The following HEATR4 variants were observed in gnomAD, a reference collection of about 807,000 sequenced individuals.
HEATR4 encodes HEAT repeat-containing protein 4.
Under a neutral mutation model 108.8 loss-of-function variants are expected in HEATR4, and 95 were observed. The observed-to-expected ratio is 0.87, with a 90% CI of 0.74 to 1.04. The LOEUF (loss-of-function observed/expected upper bound fraction) is 1.04, where lower values mean the gene tolerates loss of function less well. HEATR4 is among the 50% of genes least tolerant of loss of function. The probability of loss-of-function intolerance (pLI) is 0.00; values close to 1 mark genes in which losing one functional copy is unlikely to be tolerated. For missense variants in HEATR4, 1,152 were observed against 1,253.8 expected, an observed-to-expected ratio of 0.92 and a Z score of 1.23; for synonymous variants, 443 against 459.4, an observed-to-expected ratio of 0.96 and a Z score of 0.46.
chr14:73,509,947 CACTGCAA>C (rs1449492158), intron 7 of HEATR4, among the ~76,000 whole-genome samples: 27 of 148,102 alleles, frequency 1.8e-4, no homozygotes, highest in Admixed American at 5.5e-4. Flanking sequence ...GATCTCAGCT[CACTGCAA>C]GCTCCGCCTC....
Position 73,508,169 on chromosome 14 carries a change from A to T in HEATR4, c.1846T>A (p.Ser616Thr), listed in dbSNP as rs374677684. ...CTCAGATAGCTCAGGAGGATATAAG[A>T]CTGTTCCTCAGTGTCCTCATTCTTC... The part of the protein sequence containing the change: ...TKKNEDTEEQ[S>T]YILLSYLSEK... Residue 616 changes from serine (S) to threonine (T), a missense_variant, in exon 9 of 18, where the codon TCT becomes ACT. Physicochemically the swap from Ser to Thr is moderately conservative, Grantham distance 58 (BLOSUM62 1). Coordinates refer to ENST00000553558, the MANE Select transcript of HEATR4 (RefSeq NM_001220484.1). The T allele has an allele frequency of 3.7e-6, 6 of 1,613,974 alleles. No homozygotes were observed. The African/African-American group carries it at 5.3e-5, about 14-fold the overall frequency.
chr14:73,502,234 A>G (rs968648571), intron 11 of HEATR4, among the ~76,000 whole-genome samples: 2 of 150,524 alleles, frequency 1.3e-5, no homozygotes, highest in African/African-American at 4.9e-5. Context: ...ACTTGGCCTT[A>G]CTCCTCTAGC....
chr14:73,562,214 G>GA (rs1889539962), upstream of HEATR4, among the ~76,000 whole-genome samples: 1 of 152,050 alleles, frequency 6.6e-6, no homozygotes, highest in African/African-American at 2.4e-5. Context: ...ACCCCGAATG[G>GA]AGGGACCGGC....
At chr14:73,517,858 G>A (rs55681543) in intron 5 of HEATR4, among the ~76,000 whole-genome samples, 21,317 of 151,956 alleles carry the variant, frequency 0.14, 1,813 homozygotes, top group East Asian at 0.4. Flanking sequence ...GGAGGCCGAG[G>A]TGGACAGATC....
chr14:73,491,366 A>T (rs1409186318), intron 17 of HEATR4: 1 of 1,369,624 alleles, frequency 7.3e-7, no homozygotes, highest in African/African-American at 1.5e-5. Context: ...CTCCCTGCAG[A>T]CCCCGTCGGC....
At chr14:73,622,795 C>T in the HEATR4 span, among the ~76,000 whole-genome samples, 1 of 152,102 alleles carries the variant, frequency 6.6e-6, no homozygotes, top group Middle Eastern at 3.2e-3. Flanking sequence ...GAAAAGTTAT[C>T]CATAAAGTTA....
chr14:73,581,223 A>G, the HEATR4 span: 1 of 151,790 alleles, frequency 6.6e-6, no homozygotes, highest in African/African-American at 2.4e-5. Context: ...TTTATAAACA[A>G]CAGAAATGTA....
intron 12 of HEATR4, 121 bp downstream of exon 12, chr14:73,500,429 C>T (rs1886377111): frequency 9.1e-7 from 1 of 1,101,504 alleles, no homozygotes; most frequent in Non-Finnish European, 1.3e-6. Context: ...ACACCCCCTT[C>T]CCAGTTCCAA....
chr14:73,562,833 T>G (rs1889549290), upstream of HEATR4, among the ~76,000 whole-genome samples: 1 of 151,936 alleles, frequency 6.6e-6, no homozygotes, highest in Non-Finnish European at 1.5e-5. Context: ...CGTTTTCTGT[T>G]GTTTAAGATG....
rs865810654 is a variant in HEATR4, at chr14:73,514,308, A to G, written c.1211-74T>C. The G allele has an allele frequency of 2.6e-5, 36 of 1,364,328 alleles. No homozygotes were observed. The Middle Eastern group carries it at 1.6e-3, about 61-fold the overall frequency. 84.5% of individuals were successfully genotyped at this position (1,364,328 alleles called of 1,614,324 possible). ...CTGCCACACAGTGGCCCCAGCTTGC[A>G]TCCCATTCCTATTCCTGACTAATAC... is the stretch of plus-strand genomic sequence containing the variant. On this transcript the variant is annotated intron_variant, in intron 5 of 17. Transcript: ENST00000553558.
In HEATR4 at chr14:73,478,833, G is replaced by C. The variant is rs1309422011; in HGVS notation, c.2854C>G (p.Pro952Ala). The C allele has an allele frequency of 1.2e-6, 2 of 1,602,348 alleles. No individual in the cohort carries two copies. Among genetic ancestry groups the C allele is most frequent in the Non-Finnish European group, 1.7e-6 (2 of 1,173,832 alleles). The change falls in exon 18 of 18, where the codon CCC becomes GCC. Residue 952 changes from proline (P) to alanine (A), a missense_variant. Transcript: ENST00000553558. Reference protein sequence around the residue: ...DTEAVIKPVKPRAPNPWLQSS... With the variant: ...DTEAVIKPVKARAPNPWLQSS... ...TGTAACCAGGGATTTGGTGCGCGGG[G>C]CTTCACAGGCTGCAGAGAAACATGA...
chr14:73,525,922 C>T (rs112362738), intron 2 of HEATR4, among the ~76,000 whole-genome samples: 3,909 of 150,466 alleles, frequency 0.026, 172 homozygotes, highest in African/African-American at 0.091. Context: ...CACTGCGCTC[C>T]AGCCTGGGTG....
intron 2 of HEATR4, among the ~76,000 whole-genome samples, chr14:73,527,000 G>A (rs772609232): frequency 9.2e-5 from 14 of 152,114 alleles, no homozygotes; most frequent in African/African-American, 1.7e-4. Context: ...CTGGGTAACC[G>A]GGGAATTTTC....
intron 16 of HEATR4, 53 bp from the exon 17 acceptor site, chr14:73,493,177 C>G (rs1202516133): frequency 1.4e-6 from 2 of 1,475,512 alleles, no homozygotes; most frequent in African/African-American, 2.8e-5. Flanking sequence ...ACCCTTGATC[C>G]GTGATCATTT....
chr14:73,507,356 G>T (rs1410106594), intron 9 of HEATR4, among the ~76,000 whole-genome samples: 1 of 152,044 alleles, frequency 6.6e-6, no homozygotes, highest in Non-Finnish European at 1.5e-5. Flanking sequence ...CTACACCCAG[G>T]TTTACTCATG....
Position 73,511,960 on chromosome 14 carries a change from T to A in HEATR4, c.1558+46A>T. On this transcript the variant is annotated intron_variant, in intron 7 of 17. Transcript: ENST00000553558. ...CCTACCAGTTCAGATGTTCCATGGC[T>A]TTATGAGTTGCTTATGTTCTCAAGC... 4 of 1,612,402 alleles carry A rather than the reference T, an allele frequency of 2.5e-6. No homozygotes were observed. In the South Asian group the frequency reaches 4.4e-5, roughly 18 times the overall value.
rs1298162159 is a variant in HEATR4, at chr14:73,492,094, A to T, written c.2844+972T>A. The T allele has an allele frequency of 6.2e-7, 1 of 1,613,952 alleles. No homozygotes were observed. ...TGGAAGGTAGGAAACTCTGGCGTGT[A>T]TACCGACCCCGAGTCCCAACCGAGG... On this transcript the variant is annotated intron_variant, in intron 17 of 17. Coordinates refer to ENST00000553558, the MANE Select transcript of HEATR4 (RefSeq NM_001220484.1). This position sits in a 1 kb window ranked among gnomAD's most constrained non-coding sequence, Gnocchi z 4.9.
intron 10 of HEATR4, among the ~76,000 whole-genome samples, chr14:73,504,339 A>T (rs112189025): frequency 0.11 from 16,280 of 151,194 alleles, 1,043 homozygotes; most frequent in East Asian, 0.29. Flanking sequence ...ACCTCCTGGG[A>T]TCACGCCATT....
chr14:73,519,703 G>A (rs1037409540), intron 4 of HEATR4, among the ~76,000 whole-genome samples: 3 of 152,120 alleles, frequency 2.0e-5, no homozygotes, highest in Non-Finnish European at 1.5e-5. Flanking sequence ...TAGGCAATGG[G>A]AGTGAAACCA....
Sources: allele counts gnomAD v4.1 joint callset (sites outside exome capture counted in the v4.1 genomes callset), GRCh38; gene constraint gnomAD v4.1.1; non-coding constraint Gnocchi (gnomAD v3.1); transcripts MANE v1.5; gene names NCBI Gene and HGNC (gene_info 2026-07-23, HGNC 2026-07-21).